SOCS5: variants seen among roughly 807,000 people sequenced by gnomAD.
SOCS5 encodes the protein CIS-6.
Under a neutral mutation model 42.8 loss-of-function variants are expected in SOCS5, and 32 were observed. That is an observed-to-expected ratio of 0.75 (90% CI 0.56 to 1.01). SOCS5 has a LOEUF of 1.01. Among genes scored for constraint, SOCS5 ranks in the 50% least tolerant of loss-of-function variants. The probability of loss-of-function intolerance (pLI) is 0.00; values close to 1 mark genes in which losing one functional copy is unlikely to be tolerated. For synonymous variants in SOCS5, 283 were observed against 229.6 expected (o/e 1.23, Z -2.10); for missense variants, 627 against 653.0 (o/e 0.96, Z 0.43).
At chr2:46,716,652 A>T (rs1361899769) in intron 1 of SOCS5, among the ~76,000 whole-genome samples, 8 of 151,506 alleles carry the variant, frequency 5.3e-5, no homozygotes, top group Non-Finnish European at 7.4e-5. Flanking sequence ...TAATATTTTG[A>T]CTTTTTTGTG....
chr2:46,706,391 G>A (rs1672463143), intron 1 of SOCS5, among the ~76,000 whole-genome samples: 1 of 152,114 alleles, frequency 6.6e-6, no homozygotes, highest in South Asian at 2.1e-4. Context: ...TTTAATTTAG[G>A]GTTTGTGAAG....
intron 1 of SOCS5, among the ~76,000 whole-genome samples, chr2:46,733,282 A>AT (rs1178370801): frequency 2.0e-5 from 3 of 152,032 alleles, no homozygotes; most frequent in Non-Finnish European, 4.4e-5. Context: ...TTTAGTAGAG[A>AT]TGGGGTTTCA....
rs1449601272 is a variant in SOCS5 at position 46,761,696 on chromosome 2, C to G, written c.*1555C>G. ...TTTTTAAATAAGCATTAACTAACAA[C>G]CTTTCTATAGTTAATGCAGAGTTAA... On this transcript the variant is annotated 3_prime_UTR_variant, in exon 2 of 2. Transcript: ENST00000394861. The G allele has an allele frequency of 1.1e-4, 18 of 166,688 alleles. No homozygotes were observed. Among genetic ancestry groups the G allele is most frequent in the Non-Finnish European group, 8.8e-5 (6 of 68,082 alleles). The allele number at this position is 166,688 out of a possible 1,614,324, so 10.3% of individuals were successfully genotyped here.
chr2:46,746,922 C>CTTTTTTTTTTTTTTT (rs11373537), intron 1 of SOCS5, among the ~76,000 whole-genome samples: 95 of 70,776 alleles, frequency 1.3e-3, no homozygotes, highest in Non-Finnish European at 1.9e-3. Flanking sequence ...GACTTTATTT[C>CTTTTTTTTTTTTTTT]TTTTTTTTTT....
intron 1 of SOCS5, among the ~76,000 whole-genome samples, chr2:46,702,221 G>C (rs796261441): frequency 6.6e-5 from 10 of 152,302 alleles, no homozygotes; most frequent in African/African-American, 1.9e-4. Flanking sequence ...GCAGGCAGTT[G>C]TGTGCCCATT....
In SOCS5 at chr2:46,760,039, G is replaced by T; in HGVS notation, c.1509G>T (p.Gly503=). Residue 503 remains glycine, a synonymous_variant, in exon 2 of 2, where the codon GGG becomes GGT. Coordinates refer to ENST00000394861, the MANE Select transcript of SOCS5 (RefSeq NM_144949.3). ...CRCTTYDGID[G]LPLPSMLQDF... ...GCACTACGTATGATGGAATTGATGGGCTCCCTCTACCCTCAATGTTACAGG... is the reference window on the plus strand; with the variant it reads ...GCACTACGTATGATGGAATTGATGGTCTCCCTCTACCCTCAATGTTACAGG... 6.2e-7 allele frequency: 1 copy of T among 1,613,710 alleles called. No individual in the cohort carries two copies. The highest frequency in any genetic ancestry group is 1.1e-5 in the South Asian group (1 of 91,060).
At chr2:46,703,581 A>G (rs1672394738) in intron 1 of SOCS5, among the ~76,000 whole-genome samples, 1 of 152,334 alleles carries the variant, frequency 6.6e-6, no homozygotes, top group South Asian at 2.1e-4. Context: ...AAGGCATGTC[A>G]TGTTAAAATA....
At chr2:46,730,760 G>A (rs528801569) in intron 1 of SOCS5, among the ~76,000 whole-genome samples, 37 of 152,216 alleles carry the variant, frequency 2.4e-4, no homozygotes, top group South Asian at 1.5e-3. Flanking sequence ...TCACATTTCC[G>A]GAGTCTGCTT....
intron 1 of SOCS5, among the ~76,000 whole-genome samples, chr2:46,732,091 C>T (rs1427734596): frequency 2.0e-5 from 3 of 152,164 alleles, no homozygotes; most frequent in Non-Finnish European, 4.4e-5. Context: ...TGTTCAGGCT[C>T]TGTGGCTGGA....
At chr2:46,705,545 G>A (rs889774805) in intron 1 of SOCS5, among the ~76,000 whole-genome samples, 3 of 152,178 alleles carry the variant, frequency 2.0e-5, no homozygotes, top group Admixed American at 1.3e-4. Context: ...ACAGGAAAGC[G>A]CCTGAAATAT....
At position 46,728,896 on chromosome 2, in the gene SOCS5, C is replaced by G. The variant is rs150662413; in HGVS notation, c.-13+29447C>G. Among the ~76,000 whole-genome samples, 41 of 152,264 alleles carry G rather than the reference C, an allele frequency of 2.7e-4. 1 individual carries two copies. In the East Asian group the frequency reaches 3.9e-3, roughly 14 times the overall value. On this transcript the variant is annotated intron_variant, in intron 1 of 1. Coordinates refer to ENST00000394861, the MANE Select transcript of SOCS5 (RefSeq NM_144949.3). ...TGACCCCCAAAGCTTTTCCATTTGC[C>G]TCTAAGCCAGTGGTTCTCAAAGTGT...
chr2:46,760,258 G>A lies in SOCS5; in HGVS notation c.*117G>A. 2 of 717,236 alleles carry A rather than the reference G, an allele frequency of 2.8e-6. No individual in the cohort carries two copies. Among genetic ancestry groups the A allele is most frequent in the South Asian group, 3.8e-5 (2 of 53,078 alleles). The allele number at this position is 717,236 out of a possible 1,614,324, so 44.4% of individuals were successfully genotyped here. On this transcript the variant is annotated 3_prime_UTR_variant, in exon 2 of 2. Coordinates refer to ENST00000394861, the MANE Select transcript of SOCS5 (RefSeq NM_144949.3). ...TTTTCATACAGTATGTAAGCTTAGT[G>A]TTAGTATCTGTCAGATGCTACCTGC...
chr2:46,760,404 T>C lies in SOCS5; in HGVS notation c.*263T>C. The C allele has an allele frequency of 5.2e-6, 2 of 383,412 alleles. No homozygotes were observed. The highest frequency in any genetic ancestry group is 4.9e-6 in the Non-Finnish European group (1 of 205,552). 23.8% of individuals were successfully genotyped at this position (383,412 alleles called of 1,614,324 possible). ...CTAACAGTTTGGTTTTTAATGGCTG[T>C]GGTATTTGAGTGAGGCAACTCTGGG... On this transcript the variant is annotated 3_prime_UTR_variant, in exon 2 of 2. Transcript: ENST00000394861.
chr2:46,747,017 T>C (rs1385751226), intron 1 of SOCS5, among the ~76,000 whole-genome samples: 3 of 150,262 alleles, frequency 2.0e-5, no homozygotes, highest in African/African-American at 7.3e-5. Context: ...TCAAGGTTGC[T>C]AGACAGATTT....
chr2:46,700,562 G>A (rs1471721147), intron 1 of SOCS5, among the ~76,000 whole-genome samples: 1 of 152,124 alleles, frequency 6.6e-6, no homozygotes, highest in East Asian at 1.9e-4. Flanking sequence ...TTGAACTACG[G>A]ATTCTATATA....
At chr2:46,754,058 A>C (rs529992795) in intron 1 of SOCS5, among the ~76,000 whole-genome samples, 1 of 152,186 alleles carries the variant, frequency 6.6e-6, no homozygotes, top group South Asian at 2.1e-4. Flanking sequence ...TAGAATGCCT[A>C]ACCCCCTAGG....
At chr2:46,753,523 T>C (rs1203394130) in intron 1 of SOCS5, among the ~76,000 whole-genome samples, 1 of 152,118 alleles carries the variant, frequency 6.6e-6, no homozygotes, top group Non-Finnish European at 1.5e-5. Context: ...GAAGCTGTTA[T>C]CAGAAAGGGG....
intron 1 of SOCS5, among the ~76,000 whole-genome samples, chr2:46,701,816 T>TTTTTTTTTTTTTTTTGAGACGGA (rs1335180454): frequency 7.4e-6 from 1 of 135,784 alleles, no homozygotes; most frequent in African/African-American, 2.9e-5. Flanking sequence ...ATAATTTTTA[T>TTTTTTTTTTTTTTTTGAGACGGA]GCTAAAATTA....
At chr2:46,751,987 A>G (rs1170583958) in intron 1 of SOCS5, among the ~76,000 whole-genome samples, 1 of 152,184 alleles carries the variant, frequency 6.6e-6, no homozygotes, top group African/African-American at 2.4e-5. Context: ...GCATGCAGCT[A>G]TGCTTATTTA....
Sources: allele counts gnomAD v4.1 joint callset (sites outside exome capture counted in the v4.1 genomes callset), GRCh38; gene constraint gnomAD v4.1.1; transcripts MANE v1.5; gene names NCBI Gene and HGNC (gene_info 2026-07-23, HGNC 2026-07-21).